SEMA6D: variants seen among roughly 807,000 people sequenced by gnomAD.
SEMA6D encodes semaphorin-6D.
A neutral mutation model predicts 106.6 loss-of-function variants in SEMA6D; 35 were observed. The observed-to-expected ratio is 0.33, with a 90% CI of 0.25 to 0.44. The LOEUF (loss-of-function observed/expected upper bound fraction) is 0.44, where lower values mean the gene tolerates loss of function less well. SEMA6D is among the 20% of genes least tolerant of loss of function. The pLI is 1.00. For synonymous variants in SEMA6D, 499 were observed against 487.7 expected (o/e 1.02, Z -0.31); for missense variants, 1,185 against 1,345.9 (o/e 0.88, Z 1.87).
intron 1 of SEMA6D, among the ~76,000 whole-genome samples, chr15:47,721,650 C>T (rs916233299): frequency 4.6e-5 from 7 of 152,192 alleles, no homozygotes; most frequent in Non-Finnish European, 1.0e-4. Context: ...AAGCTGCTTG[C>T]ATTTCTCCCA....
chr15:47,745,765 T>C (rs2081092426), intron 1 of SEMA6D, among the ~76,000 whole-genome samples: 2 of 152,230 alleles, frequency 1.3e-5, no homozygotes, highest in Non-Finnish European at 1.5e-5. Context: ...TTATTCTCAT[T>C]CTTAGTTACA....
chr15:47,535,691 A>G (rs898899889), intron 3 of SEMA6D, among the ~76,000 whole-genome samples: 3 of 151,894 alleles, frequency 2.0e-5, no homozygotes, highest in African/African-American at 7.3e-5. Context: ...AAAAAAATAA[A>G]TTAAGACATA....
At chr15:47,662,511 T>C (rs911503026) in intron 4 of SEMA6D, among the ~76,000 whole-genome samples, 8 of 152,180 alleles carry the variant, frequency 5.3e-5, no homozygotes, top group Non-Finnish European at 1.0e-4. Flanking sequence ...AGTTCACAAA[T>C]TTTTGTGCAT....
intron 1 of SEMA6D, among the ~76,000 whole-genome samples, chr15:47,389,970 C>T (rs954085185): frequency 1.5e-4 from 23 of 152,354 alleles, no homozygotes; most frequent in African/African-American, 5.5e-4. Context: ...TCACTCCCTA[C>T]TTAAAACACT....
intron 2 of SEMA6D, among the ~76,000 whole-genome samples, chr15:47,416,209 A>G (rs16959433): frequency 0.19 from 28,391 of 152,050 alleles, 2,983 homozygotes; most frequent in South Asian, 0.32. Flanking sequence ...CAAGACCTCC[A>G]ATCACATGGC....
intron 4 of SEMA6D, among the ~76,000 whole-genome samples, chr15:47,633,191 CTTATG>C (rs1225560506): frequency 1.3e-5 from 2 of 152,042 alleles, no homozygotes; most frequent in Admixed American, 6.6e-5. Flanking sequence ...TATAGTTATT[CTTATG>C]TTATATTTAC....
Position 47,677,511 on chromosome 15 carries a change from G to A in SEMA6D, c.-55+76615G>A, listed in dbSNP as rs537033473. On this transcript the variant is annotated intron_variant, in intron 4 of 19. Transcript: ENST00000558014. ...AGCCTCCATCTCTTAATGGAAGAGTGGCAAAAAGCACATTACAGAGAAGCA... is the reference window on the plus strand; with the variant it reads ...AGCCTCCATCTCTTAATGGAAGAGTAGCAAAAAGCACATTACAGAGAAGCA... 2.6e-5 allele frequency among the ~76,000 whole-genome samples: 4 copies of A among 152,284 alleles called. No individual in the cohort carries two copies. In the East Asian group the frequency reaches 5.8e-4, roughly 22 times the overall value.
At chr15:47,541,079 A>AACATT (rs2045339611) in intron 3 of SEMA6D, among the ~76,000 whole-genome samples, 1 of 152,148 alleles carries the variant, frequency 6.6e-6, no homozygotes, top group African/African-American at 2.4e-5. Flanking sequence ...CACAATACAG[A>AACATT]GAGGCTGTGT....
chr15:47,733,316 A>G (rs555875833), intron 1 of SEMA6D, among the ~76,000 whole-genome samples: 1 of 152,258 alleles, frequency 6.6e-6, no homozygotes, highest in African/African-American at 2.4e-5. Context: ...AATACAATAA[A>G]TCAGTCCTAA....
chr15:47,228,232 A>G lies in SEMA6D; in HGVS notation c.-239+43814A>G, dbSNP rs187770782. On this transcript the variant is annotated intron_variant, in intron 1 of 19. Transcript: ENST00000558014. ...GTCATACAAGTGATTGAGTCGTACCAGCAGCCTGGAACCATGCCTGTAGAT... is the reference window on the plus strand; with the variant it reads ...GTCATACAAGTGATTGAGTCGTACCGGCAGCCTGGAACCATGCCTGTAGAT... Among the ~76,000 whole-genome samples, 155 of 151,118 alleles carry G rather than the reference A, an allele frequency of 1.0e-3. 1 individual carries two copies. Among genetic ancestry groups the G allele is most frequent in the African/African-American group, 3.7e-3 (152 of 41,216 alleles).
intron 1 of SEMA6D, among the ~76,000 whole-genome samples, chr15:47,201,041 C>A (rs1894693889): frequency 6.6e-6 from 1 of 152,166 alleles, no homozygotes; most frequent in African/African-American, 2.4e-5. Flanking sequence ...CTTTTTAGAG[C>A]TAAGGGAAAC....
chr15:47,710,760 C>T (rs952793134), intron 4 of SEMA6D, among the ~76,000 whole-genome samples: 1 of 152,192 alleles, frequency 6.6e-6, no homozygotes, highest in African/African-American at 2.4e-5. Flanking sequence ...GAAAAGCTCT[C>T]AGCCAAAGAG....
At chr15:47,598,239 G>A (rs1473336895) in intron 3 of SEMA6D, among the ~76,000 whole-genome samples, 1 of 152,062 alleles carries the variant, frequency 6.6e-6, no homozygotes, top group African/African-American at 2.4e-5. Context: ...AGGACTTCAT[G>A]TCACATTTGG....
At chr15:47,534,126 A>G (rs2045073399) in intron 3 of SEMA6D, among the ~76,000 whole-genome samples, 1 of 152,150 alleles carries the variant, frequency 6.6e-6, no homozygotes, top group South Asian at 2.1e-4. Context: ...GAGAATGTCC[A>G]AGTGTACTAT....
chr15:47,376,526 A>G (rs1418549070), intron 1 of SEMA6D, among the ~76,000 whole-genome samples: 1 of 152,234 alleles, frequency 6.6e-6, no homozygotes, highest in Non-Finnish European at 1.5e-5. Flanking sequence ...TTTCTAGCCG[A>G]GCACTAGTGT....
intron 4 of SEMA6D, among the ~76,000 whole-genome samples, chr15:47,702,547 T>C (rs903753665): frequency 2.0e-5 from 3 of 152,188 alleles, no homozygotes; most frequent in African/African-American, 7.2e-5. Context: ...AAAACTTATG[T>C]CCACGCAAAA....
chr15:47,487,222 C>G (rs1303348437), intron 3 of SEMA6D, among the ~76,000 whole-genome samples: 1 of 152,154 alleles, frequency 6.6e-6, no homozygotes, highest in African/African-American at 2.4e-5. Flanking sequence ...GAGATGTGTA[C>G]TGTAATCGGC....
chr15:47,386,556 C>T (rs551201757), intron 1 of SEMA6D, among the ~76,000 whole-genome samples: 4 of 152,222 alleles, frequency 2.6e-5, no homozygotes, highest in East Asian at 3.9e-4. Flanking sequence ...ATGAAAGTTC[C>T]GCAAGGCCAT....
At chr15:47,305,256 G>C (rs944912679) in intron 1 of SEMA6D, among the ~76,000 whole-genome samples, 2 of 152,114 alleles carry the variant, frequency 1.3e-5, no homozygotes, top group Non-Finnish European at 2.9e-5. Context: ...ACTCTCCTTG[G>C]GTTGGTGACT....
Sources: gnomAD v4.1 joint callset for allele counts (sites outside exome capture counted in the v4.1 genomes callset) on GRCh38, gnomAD v4.1.1 for gene constraint, MANE v1.5 for transcripts, NCBI Gene and HGNC (gene_info 2026-07-23, HGNC 2026-07-21) for gene names.